Variants in TSPAN5 observed in about 807,000 individuals in gnomAD.
TSPAN5 encodes tetraspanin 5, also known as tetraspanin-5.
Under a neutral mutation model 37.1 loss-of-function variants are expected in TSPAN5, and 10 were observed. That is an observed-to-expected ratio of 0.27 (90% CI 0.17 to 0.46). The LOEUF is 0.46. Ranked by LOEUF, TSPAN5 falls within the 20% of genes least tolerant of loss-of-function variation. The pLI is 1.00. For synonymous variants in TSPAN5, 110 were observed against 118.9 expected, an observed-to-expected ratio of 0.93 and a Z score of 0.48; for missense variants, 195 against 326.6, an observed-to-expected ratio of 0.60 and a Z score of 3.11.
At chr4:98,569,401 C>T (rs1233509005) in intron 1 of TSPAN5, among the ~76,000 whole-genome samples, 2 of 152,298 alleles carry the variant, frequency 1.3e-5, no homozygotes, top group East Asian at 1.9e-4. Context: ...CCAAGGATGT[C>T]CACTGGAACA....
intron 2 of TSPAN5, among the ~76,000 whole-genome samples, chr4:98,494,898 T>C (rs985955794): frequency 6.6e-6 from 1 of 151,818 alleles, no homozygotes; most frequent in African/African-American, 2.4e-5. Context: ...ATCTAAGACA[T>C]GGAGAGAAAA....
intron 2 of TSPAN5, among the ~76,000 whole-genome samples, chr4:98,493,173 T>A (rs776131692): frequency 6.6e-6 from 1 of 152,082 alleles, no homozygotes; most frequent in Non-Finnish European, 1.5e-5. Context: ...TGAAATCACA[T>A]CTCAAAAAGT....
intron 2 of TSPAN5, among the ~76,000 whole-genome samples, chr4:98,504,081 A>T (rs1753418422): frequency 6.6e-6 from 1 of 152,230 alleles, no homozygotes; most frequent in African/African-American, 2.4e-5. Context: ...ACTGATATTA[A>T]GTATGGGGTA....
chr4:98,601,957 G>A (rs530048460), intron 1 of TSPAN5, among the ~76,000 whole-genome samples: 2 of 152,296 alleles, frequency 1.3e-5, no homozygotes, highest in Non-Finnish European at 2.9e-5. Context: ...CTGAGGAGGA[G>A]AGACAAGAAT....
At chr4:98,572,137 T>C (rs1302912170) in intron 1 of TSPAN5, among the ~76,000 whole-genome samples, 4 of 152,102 alleles carry the variant, frequency 2.6e-5, no homozygotes. Flanking sequence ...CTAATTTTTG[T>C]ATTTTTAGTA....
chr4:98,508,522 CTT>C (rs34342433), intron 1 of TSPAN5, among the ~76,000 whole-genome samples: 72 of 121,916 alleles, frequency 5.9e-4, no homozygotes, highest in South Asian at 3.6e-3. Flanking sequence ...TACTGTTTTT[CTT>C]TTTTTTTTTT....
At chr4:98,540,312 G>A (rs1754328769) in intron 1 of TSPAN5, among the ~76,000 whole-genome samples, 1 of 151,988 alleles carries the variant, frequency 6.6e-6, no homozygotes, top group African/African-American at 2.4e-5. Flanking sequence ...GGAAGAAGAT[G>A]GGATGGGCTA....
At chr4:98,550,487 A>G (rs528975943) in intron 1 of TSPAN5, among the ~76,000 whole-genome samples, 1 of 152,262 alleles carries the variant, frequency 6.6e-6, no homozygotes, top group African/African-American at 2.4e-5. Flanking sequence ...GGTCATTTTA[A>G]CAATGTTGAT....
In TSPAN5 at chr4:98,621,159, A is replaced by G. The variant is rs140956771; in HGVS notation, c.81+36987T>C. Among the ~76,000 whole-genome samples the G allele has an allele frequency of 6.4e-3, 973 of 152,198 alleles. 8 individuals are homozygous for G. Among genetic ancestry groups the G allele is most frequent in the Middle Eastern group, 0.034 (10 of 294 alleles). ...CAGGTGACAGGTTTATACACCACGG[A>G]ATGACAAAGATGGCTGGCAAACCAC... On this transcript the variant is annotated intron_variant, in intron 1 of 7. Coordinates refer to ENST00000305798, the MANE Select transcript of TSPAN5 (RefSeq NM_005723.4).
At chr4:98,561,969 G>A (rs990591390) in intron 1 of TSPAN5, among the ~76,000 whole-genome samples, 1 of 152,214 alleles carries the variant, frequency 6.6e-6, no homozygotes, top group Non-Finnish European at 1.5e-5. Flanking sequence ...GTACGAAACA[G>A]CATGGCAGCT....
chr4:98,575,729 T>G (rs973842486), intron 1 of TSPAN5, among the ~76,000 whole-genome samples: 3 of 151,122 alleles, frequency 2.0e-5, no homozygotes, highest in African/African-American at 7.3e-5. Flanking sequence ...TCCTGAATAT[T>G]GTATTCAATG....
At chr4:98,538,724 T>C (rs1170310423) in intron 1 of TSPAN5, among the ~76,000 whole-genome samples, 1 of 152,248 alleles carries the variant, frequency 6.6e-6, no homozygotes, top group East Asian at 1.9e-4. Context: ...TACTGAAATA[T>C]TTATCAACAT....
At chr4:98,552,248 G>A (rs1490903288) in intron 1 of TSPAN5, among the ~76,000 whole-genome samples, 2 of 152,086 alleles carry the variant, frequency 1.3e-5, no homozygotes, top group African/African-American at 2.4e-5. Flanking sequence ...GTAACTTTGA[G>A]TTTGGTTTGT....
intron 1 of TSPAN5, among the ~76,000 whole-genome samples, chr4:98,517,451 C>G (rs757992732): frequency 6.6e-6 from 1 of 152,006 alleles, no homozygotes; most frequent in African/African-American, 2.4e-5. Context: ...GGTATCCAAG[C>G]ATTTTTGGAA....
At chr4:98,515,578 T>C (rs1033662025) in intron 1 of TSPAN5, among the ~76,000 whole-genome samples, 4 of 152,002 alleles carry the variant, frequency 2.6e-5, no homozygotes, top group African/African-American at 9.7e-5. Context: ...GTGCCCTTAT[T>C]TGACATTTAC....
chr4:98,508,522 CTTTTTT>C (rs34342433), intron 1 of TSPAN5, among the ~76,000 whole-genome samples: 1 of 121,930 alleles, frequency 8.2e-6, no homozygotes, highest in African/African-American at 3.1e-5. Flanking sequence ...TACTGTTTTT[CTTTTTT>C]TTTTTTTTTT....
intron 1 of TSPAN5, among the ~76,000 whole-genome samples, chr4:98,578,908 C>A (rs1037718824): frequency 4.6e-5 from 7 of 152,168 alleles, no homozygotes; most frequent in Non-Finnish European, 1.0e-4. Flanking sequence ...TCCCACTACA[C>A]ATGCCAACTG....
intron 1 of TSPAN5, among the ~76,000 whole-genome samples, chr4:98,521,318 A>T (rs1418839744): frequency 6.6e-6 from 1 of 152,202 alleles, no homozygotes; most frequent in African/African-American, 2.4e-5. Flanking sequence ...GTGTTTCTTT[A>T]CAGAGCAAGG....
At chr4:98,644,634 T>C (rs1218095695) in intron 1 of TSPAN5, among the ~76,000 whole-genome samples, 2 of 152,188 alleles carry the variant, frequency 1.3e-5, no homozygotes, top group African/African-American at 4.8e-5. Context: ...AAAAGCACCC[T>C]ATTTTTAAAA....
Sources: gnomAD v4.1 joint callset for allele counts (sites outside exome capture counted in the v4.1 genomes callset) on GRCh38, gnomAD v4.1.1 for gene constraint, MANE v1.5 for transcripts, NCBI Gene and HGNC (gene_info 2026-07-23, HGNC 2026-07-21) for gene names.